Variants in KCNIP4 observed in about 807,000 individuals in gnomAD.
The protein encoded by KCNIP4 is potassium voltage-gated channel interacting protein 4.
A neutral mutation model predicts 34.0 loss-of-function variants in KCNIP4; 12 were observed. That is an observed-to-expected ratio of 0.35 (90% CI 0.23 to 0.57). The LOEUF is 0.57. Among genes scored for constraint, KCNIP4 ranks in the 20% least tolerant of loss-of-function variants. The pLI, the probability that KCNIP4 is intolerant of heterozygous loss-of-function variation, is 0.83. For synonymous variants in KCNIP4, 124 were observed against 102.2 expected (o/e 1.21, Z -1.29); for missense variants, 238 against 311.7 (o/e 0.76, Z 1.78).
intron 1 of KCNIP4, among the ~76,000 whole-genome samples, chr4:21,599,512 G>A (rs939634117): frequency 6.6e-6 from 1 of 151,822 alleles, no homozygotes; most frequent in Non-Finnish European, 1.5e-5. Context: ...GCCACAGACT[G>A]TGTTAAGTAC....
chr4:20,899,516 A>C (rs1726930545), intron 1 of KCNIP4, among the ~76,000 whole-genome samples: 1 of 152,210 alleles, frequency 6.6e-6, no homozygotes, highest in Non-Finnish European at 1.5e-5. Flanking sequence ...TCTTCTTATC[A>C]CTATCTTGAC....
chr4:20,850,914 A>C, intron 2 of KCNIP4: 1 of 334,720 alleles, frequency 3.0e-6, no homozygotes, highest in Non-Finnish European at 5.4e-6. Context: ...GCATTGTTTT[A>C]AGACAACAAA....
chr4:21,445,479 A>G (rs1403953220), intron 1 of KCNIP4, among the ~76,000 whole-genome samples: 2 of 152,194 alleles, frequency 1.3e-5, no homozygotes, highest in African/African-American at 4.8e-5. Context: ...ACTTATCTAC[A>G]ACTATCTGAT....
At chr4:21,407,341 T>C (rs1046522122) in intron 1 of KCNIP4, among the ~76,000 whole-genome samples, 3 of 152,246 alleles carry the variant, frequency 2.0e-5, no homozygotes, top group African/African-American at 7.2e-5. Flanking sequence ...CTTCCCTCTA[T>C]ATCTTTATTC....
At chr4:21,819,239 C>G (rs980382727) in intron 1 of KCNIP4, among the ~76,000 whole-genome samples, 1 of 152,220 alleles carries the variant, frequency 6.6e-6, no homozygotes, top group African/African-American at 2.4e-5. Context: ...TCTGTCACCA[C>G]CCTCTCTGTT....
At chr4:21,218,970 G>T (rs1265532858) in intron 1 of KCNIP4, among the ~76,000 whole-genome samples, 1 of 151,830 alleles carries the variant, frequency 6.6e-6, no homozygotes, top group Admixed American at 6.6e-5. Context: ...ATATTTTTAG[G>T]ACTTCTAGAA....
At chr4:21,481,360 A>G (rs1026690113) in intron 1 of KCNIP4, among the ~76,000 whole-genome samples, 4 of 152,142 alleles carry the variant, frequency 2.6e-5, no homozygotes, top group African/African-American at 7.2e-5. Flanking sequence ...TGCAGGAATC[A>G]CTGTCCAAAA....
chr4:21,514,707 T>G (rs1027468159), intron 1 of KCNIP4, among the ~76,000 whole-genome samples: 1 of 152,120 alleles, frequency 6.6e-6, no homozygotes. Context: ...AGGAAGCAAC[T>G]GTTAAATTAA....
chr4:21,833,516 GAA>G (rs1723125729), intron 1 of KCNIP4, among the ~76,000 whole-genome samples: 1 of 152,090 alleles, frequency 6.6e-6, no homozygotes, highest in Non-Finnish European at 1.5e-5. Context: ...AGTAGGTTGT[GAA>G]AATTTTCTCC....
At chr4:20,768,228 T>C (rs1755586051) in intron 3 of KCNIP4, among the ~76,000 whole-genome samples, 1 of 152,308 alleles carries the variant, frequency 6.6e-6, no homozygotes, top group East Asian at 1.9e-4. Flanking sequence ...CAGTCAGTTC[T>C]TAGCTTTTAA....
intron 1 of KCNIP4, among the ~76,000 whole-genome samples, chr4:21,668,571 C>T (rs1749211019): frequency 6.6e-6 from 1 of 152,112 alleles, no homozygotes; most frequent in Non-Finnish European, 1.5e-5. Context: ...TATAATCAAG[C>T]TGCCCTCACT....
At chr4:21,061,926 C>T (rs1743960692) in intron 1 of KCNIP4, among the ~76,000 whole-genome samples, 2 of 152,238 alleles carry the variant, frequency 1.3e-5, no homozygotes, top group Admixed American at 1.3e-4. Flanking sequence ...CATGTGAAGA[C>T]ACAGCAGGCA....
chr4:21,676,168 A>G (rs534440261), intron 1 of KCNIP4, among the ~76,000 whole-genome samples: 51 of 152,204 alleles, frequency 3.4e-4, no homozygotes, highest in African/African-American at 1.2e-3. Flanking sequence ...AGCTGTTTTT[A>G]TTATCAACAT....
chr4:21,884,114 C>T (rs989132818), intron 1 of KCNIP4, among the ~76,000 whole-genome samples: 14 of 152,056 alleles, frequency 9.2e-5, no homozygotes, highest in South Asian at 4.2e-4. Context: ...GTAACCTATC[C>T]GAGTGAGTTG....
intron 1 of KCNIP4, among the ~76,000 whole-genome samples, chr4:21,779,342 T>C (rs542089039): frequency 1.3e-4 from 20 of 151,294 alleles, no homozygotes; most frequent in Admixed American, 4.6e-4. Context: ...TTTCCTACTA[T>C]AGTAACTGTA....
chr4:21,203,959 G>A (rs1756673152), intron 1 of KCNIP4, among the ~76,000 whole-genome samples: 2 of 152,122 alleles, frequency 1.3e-5, no homozygotes, highest in African/African-American at 4.8e-5. Context: ...AATGGCTCCA[G>A]GTACAGGAAA....
chr4:21,463,714 C>T (rs1361877162), intron 1 of KCNIP4, among the ~76,000 whole-genome samples: 1 of 151,988 alleles, frequency 6.6e-6, no homozygotes, highest in Non-Finnish European at 1.5e-5. Context: ...AAGGATAATG[C>T]TAGCTCCTAG....
intron 1 of KCNIP4, among the ~76,000 whole-genome samples, chr4:20,933,225 C>T (rs1434036236): frequency 3.3e-5 from 5 of 151,620 alleles, no homozygotes; most frequent in Admixed American, 3.3e-4. Flanking sequence ...GCCTGGGTGA[C>T]AGAATGAGAC....
chr4:21,709,285 C>G (rs1022366910), intron 1 of KCNIP4, among the ~76,000 whole-genome samples: 3 of 152,190 alleles, frequency 2.0e-5, no homozygotes, highest in African/African-American at 4.8e-5. Flanking sequence ...TATTGAGTTT[C>G]TACTTACCAG....
Sources: gnomAD v4.1 joint callset for allele counts (sites outside exome capture counted in the v4.1 genomes callset) on GRCh38, gnomAD v4.1.1 for gene constraint, MANE v1.5 for transcripts, NCBI Gene and HGNC (gene_info 2026-07-23, HGNC 2026-07-21) for gene names.